PCCA: variants seen among roughly 807,000 people sequenced by gnomAD.
The protein encoded by PCCA is propionyl-CoA carboxylase subunit alpha.
Under a neutral mutation model 101.3 loss-of-function variants are expected in PCCA, and 74 were observed. The ratio of observed to expected loss-of-function variants is 0.73; its 90% CI spans 0.61 to 0.89. The LOEUF (loss-of-function observed/expected upper bound fraction) is 0.89, where lower values mean the gene tolerates loss of function less well. PCCA is among the 40% of genes least tolerant of loss of function. The probability of loss-of-function intolerance (pLI) is 0.00; values close to 1 mark genes in which losing one functional copy is unlikely to be tolerated. For missense variants in PCCA, 891 were observed against 907.0 expected, an observed-to-expected ratio of 0.98 and a Z score of 0.23; for synonymous variants, 294 against 313.6, an observed-to-expected ratio of 0.94 and a Z score of 0.66.
intron 21 of PCCA, among the ~76,000 whole-genome samples, chr13:100,514,904 A>G (rs1440312771): frequency 6.6e-6 from 1 of 152,230 alleles, no homozygotes; most frequent in Non-Finnish European, 1.5e-5. Context: ...AAAAAATGGA[A>G]TTTTAAATAC....
chr13:100,341,573 A>T (rs2071322841), intron 18 of PCCA, among the ~76,000 whole-genome samples: 1 of 152,174 alleles, frequency 6.6e-6, no homozygotes, highest in Non-Finnish European at 1.5e-5. Flanking sequence ...GGCAACTCTA[A>T]GAGGCTTTCC....
At chr13:100,246,865 C>T (rs147732699) in intron 8 of PCCA, among the ~76,000 whole-genome samples, 1 of 150,322 alleles carries the variant, frequency 6.7e-6, no homozygotes, top group Non-Finnish European at 1.5e-5. Flanking sequence ...CTCAAGAGGT[C>T]AAACCTACCT....
At chr13:100,395,850 T>C (rs1417680548) in intron 19 of PCCA, among the ~76,000 whole-genome samples, 2 of 152,228 alleles carry the variant, frequency 1.3e-5, no homozygotes, top group Admixed American at 1.3e-4. Flanking sequence ...TTCTAGTAGT[T>C]GAAGTTAATA....
chr13:100,337,876 C>T (rs140413542), intron 17 of PCCA, among the ~76,000 whole-genome samples: 236 of 152,304 alleles, frequency 1.5e-3, no homozygotes, highest in African/African-American at 5.5e-3. Context: ...ATTTTACATC[C>T]TGACATAGTA....
intron 19 of PCCA, among the ~76,000 whole-genome samples, chr13:100,375,191 T>TA (rs2075824366): frequency 6.6e-6 from 1 of 152,216 alleles, no homozygotes; most frequent in South Asian, 2.1e-4. Flanking sequence ...ATGAGTTTCT[T>TA]AATCCTGAGT....
At chr13:100,399,649 A>G (rs1043507598) in intron 19 of PCCA, among the ~76,000 whole-genome samples, 3 of 152,196 alleles carry the variant, frequency 2.0e-5, no homozygotes, top group African/African-American at 4.8e-5. Context: ...TCAGAAAGCA[A>G]AGGGCTGAAT....
At chr13:100,303,686 A>C (rs76277274) in intron 14 of PCCA, among the ~76,000 whole-genome samples, 11,106 of 152,128 alleles carry the variant, frequency 0.073, 455 homozygotes, top group African/African-American at 0.097. Context: ...TGAATATTCA[A>C]ATTATTCATT....
chr13:100,449,776 A>G (rs1308243713), intron 21 of PCCA, among the ~76,000 whole-genome samples: 1 of 152,204 alleles, frequency 6.6e-6, no homozygotes. Context: ...TGTGTGAGCC[A>G]TGTCCGGCCT....
At chr13:100,477,475 A>G (rs1242062653) in intron 21 of PCCA, 1 of 152,210 alleles carries the variant, frequency 6.6e-6, no homozygotes, top group Non-Finnish European at 1.5e-5. Context: ...CTGCATGTTA[A>G]TGATTTGATA....
intron 8 of PCCA, among the ~76,000 whole-genome samples, chr13:100,247,506 G>A (rs1038602409): frequency 8.3e-5 from 11 of 133,186 alleles, no homozygotes; most frequent in East Asian, 2.4e-4. Context: ...GTGAGCCACC[G>A]TGCCCGGCCT....
At chr13:100,474,056 T>A (rs1490411902) in intron 21 of PCCA, among the ~76,000 whole-genome samples, 1 of 152,234 alleles carries the variant, frequency 6.6e-6, no homozygotes, top group Non-Finnish European at 1.5e-5. Context: ...CCACCTGCCA[T>A]GAGAAGTGAG....
chr13:100,398,582 T>C (rs1159137283), intron 19 of PCCA, among the ~76,000 whole-genome samples: 3 of 152,230 alleles, frequency 2.0e-5, no homozygotes, highest in African/African-American at 7.2e-5. Flanking sequence ...AAAAATCATA[T>C]TGAAAGCATT....
chr13:100,134,999 C>T (rs960864046), intron 4 of PCCA, among the ~76,000 whole-genome samples: 1 of 150,844 alleles, frequency 6.6e-6, no homozygotes, highest in African/African-American at 2.4e-5. Flanking sequence ...ACCACAGCCT[C>T]CCAAATAGCT....
At chr13:100,275,376 C>T (rs936558922) in intron 12 of PCCA, among the ~76,000 whole-genome samples, 2 of 152,074 alleles carry the variant, frequency 1.3e-5, no homozygotes, top group African/African-American at 4.8e-5. Context: ...CAGTAGTGGC[C>T]CTGCTGCTCC....
intron 19 of PCCA, among the ~76,000 whole-genome samples, chr13:100,408,894 G>T (rs1322385080): frequency 6.6e-6 from 1 of 152,162 alleles, no homozygotes; most frequent in East Asian, 1.9e-4. Context: ...ACAACAGCAG[G>T]TTAAAAAATG....
intron 21 of PCCA, among the ~76,000 whole-genome samples, chr13:100,482,130 C>T (rs1385267576): frequency 6.6e-6 from 1 of 152,186 alleles, no homozygotes; most frequent in Non-Finnish European, 1.5e-5. Flanking sequence ...AAATATCTAA[C>T]CTGTGGGTAC....
At chr13:100,228,726 A>G (rs574661081) in intron 7 of PCCA, among the ~76,000 whole-genome samples, 2 of 151,998 alleles carry the variant, frequency 1.3e-5, no homozygotes, top group African/African-American at 4.8e-5. Flanking sequence ...GTGAAACCCC[A>G]TCTCTACTAA....
At position 100,111,877 on chromosome 13, in the gene PCCA, A is replaced by G. The variant is rs146348711; in HGVS notation, c.220A>G (p.Ile74Val). Residue 74 changes from isoleucine (I) to valine (V), a missense_variant, in exon 3 of 24, where the codon ATT becomes GTT. Coordinates refer to ENST00000376285, the MANE Select transcript of PCCA (RefSeq NM_000282.4). Reference sequence around the variant, plus strand: ...AATTCTTGTTGCTAATAGAGGAGAAATTGCATGTCGGGTGAGTAGAATTTT... The same window carrying G: ...AATTCTTGTTGCTAATAGAGGAGAAGTTGCATGTCGGGTGAGTAGAATTTT... ...DKILVANRGE[I>V]ACRVIRTCKK... is the part of the protein sequence containing the mutation. The G allele has an allele frequency of 6.2e-7, 1 of 1,610,566 alleles. No individual in the cohort carries two copies. Among genetic ancestry groups the G allele is most frequent in the East Asian group, 2.2e-5 (1 of 44,744 alleles).
At chr13:100,464,880 A>T (rs1455693776) in intron 21 of PCCA, among the ~76,000 whole-genome samples, 1 of 152,206 alleles carries the variant, frequency 6.6e-6, no homozygotes, top group Non-Finnish European at 1.5e-5. Context: ...AGGACATTTT[A>T]TGACAGTGCC....
Sources: allele counts gnomAD v4.1 joint callset (sites outside exome capture counted in the v4.1 genomes callset), GRCh38; gene constraint gnomAD v4.1.1; transcripts MANE v1.5; gene names NCBI Gene and HGNC (gene_info 2026-07-23, HGNC 2026-07-21).